ELF1: variants seen among roughly 807,000 people sequenced by gnomAD.
The protein encoded by ELF1 is ETS-related transcription factor Elf-1.
In ELF1, 24 loss-of-function variants were observed where a neutral mutation model predicts 59.9. That is an observed-to-expected ratio of 0.40 (90% CI 0.29 to 0.56). The LOEUF is 0.56. ELF1 is among the 20% of genes least tolerant of loss of function. The pLI is 0.44. For synonymous variants in ELF1, 248 were observed against 266.2 expected (o/e 0.93, Z 0.67); for missense variants, 627 against 742.2 (o/e 0.84, Z 1.80).
intron 7 of ELF1, 46 bp from the exon 8 acceptor site, chr13:40,941,416 A>T: frequency 6.8e-7 from 1 of 1,477,956 alleles, no homozygotes; most frequent in South Asian, 1.4e-5. Context: ...CATCAATTAA[A>T]ATATTCAACA....
At chr13:41,012,312 CAAAAAAAA>C (rs56791748) in intron 1 of ELF1, among the ~76,000 whole-genome samples, 8 of 65,046 alleles carry the variant, frequency 1.2e-4, no homozygotes, top group African/African-American at 4.8e-4. Context: ...GACTCTGTCT[CAAAAAAAA>C]AAAAAAAAAA....
intron 3 of ELF1, among the ~76,000 whole-genome samples, chr13:40,956,469 A>G (rs9532688): frequency 0.55 from 83,118 of 151,068 alleles, 26,133 homozygotes; most frequent in Non-Finnish European, 0.69. Context: ...AGGAAAACCA[A>G]AGACCTTTGT....
At chr13:41,001,545 A>G (rs770481141) in intron 1 of ELF1, among the ~76,000 whole-genome samples, 2 of 152,174 alleles carry the variant, frequency 1.3e-5, no homozygotes, top group African/African-American at 2.4e-5. Context: ...AGCTATAATA[A>G]CCAAAATAGC....
chr13:41,019,122 G>A (rs1257654620), intron 1 of ELF1, 106 bp downstream of exon 1: 5 of 882,006 alleles, frequency 5.7e-6, no homozygotes, highest in South Asian at 5.2e-5. Flanking sequence ...TTTATCAGAG[G>A]GTTAAAGAAC....
intron 8 of ELF1, among the ~76,000 whole-genome samples, chr13:40,939,948 T>C (rs1870027271): frequency 6.6e-6 from 1 of 152,202 alleles, no homozygotes; most frequent in African/African-American, 2.4e-5. Context: ...CAAGTGAAGA[T>C]TTAAGAGAAT....
chr13:40,936,328 A>C (rs1593346084), intron 8 of ELF1, among the ~76,000 whole-genome samples: 2 of 152,126 alleles, frequency 1.3e-5, no homozygotes, highest in East Asian at 3.9e-4. Flanking sequence ...ACAACTCTCT[A>C]ATATATGCCT....
chr13:40,939,565 C>T (rs1870004052), intron 8 of ELF1, among the ~76,000 whole-genome samples: 1 of 152,134 alleles, frequency 6.6e-6, no homozygotes, highest in Admixed American at 6.5e-5. Flanking sequence ...CAGTCATCAC[C>T]TGTAACCCAC....
intron 3 of ELF1, among the ~76,000 whole-genome samples, chr13:40,954,414 T>C (rs958928385): frequency 1.2e-5 from 1 of 80,468 alleles, no homozygotes. Flanking sequence ...GGTTTGAAAG[T>C]GTGTAGCTCT....
intron 1 of ELF1, among the ~76,000 whole-genome samples, chr13:41,060,585 A>C (rs915248692): frequency 3.3e-5 from 5 of 152,156 alleles, no homozygotes; most frequent in Admixed American, 1.3e-4. Context: ...AGGCTCCAAA[A>C]GCCGCAGCCC....
In ELF1 at chr13:40,964,852, T is replaced by C. The variant is rs567179379; in HGVS notation, c.73-5836A>G. On this transcript the variant is annotated intron_variant, in intron 2 of 8. Transcript: ENST00000239882. ...ACCCAGCCCAAATTTCCCCTTTTTATAAGGACACCAGGTAGTGGAGTAAGG... is the reference window on the plus strand; with the variant it reads ...ACCCAGCCCAAATTTCCCCTTTTTACAAGGACACCAGGTAGTGGAGTAAGG... Among the ~76,000 whole-genome samples the C allele has an allele frequency of 6.6e-4, 100 of 152,196 alleles. 2 individuals are homozygous for C. The highest frequency in any genetic ancestry group is 2.9e-3 in the Admixed American group (44 of 15,294).
At chr13:40,959,156 G>T in intron 2 of ELF1, 140 bp from the exon 3 acceptor site, 1 of 1,245,222 alleles carries the variant, frequency 8.0e-7, no homozygotes, top group Non-Finnish European at 1.1e-6. Flanking sequence ...AATCTTTCTA[G>T]GCATTAGGTA....
intron 3 of ELF1, among the ~76,000 whole-genome samples, chr13:40,953,952 G>A (rs957212421): frequency 3.3e-5 from 5 of 152,148 alleles, no homozygotes; most frequent in African/African-American, 4.8e-5. Flanking sequence ...CACTCCTTCC[G>A]GAAAGACATT....
At chr13:41,042,300 TTTTC>T (rs1329227458) in intron 1 of ELF1, among the ~76,000 whole-genome samples, 1 of 150,812 alleles carries the variant, frequency 6.6e-6, no homozygotes, top group Non-Finnish European at 1.5e-5. Flanking sequence ...AGCTTTTTCT[TTTTC>T]TTTTTTTTTT....
chr13:41,010,141 C>T (rs1413584989), intron 1 of ELF1, among the ~76,000 whole-genome samples: 5 of 149,512 alleles, frequency 3.3e-5, no homozygotes, highest in Non-Finnish European at 7.4e-5. Flanking sequence ...CATGGTGGCT[C>T]ATGCCTGTAA....
At chr13:41,060,328 C>T (rs979849005) in intron 1 of ELF1, among the ~76,000 whole-genome samples, 5 of 152,202 alleles carry the variant, frequency 3.3e-5, no homozygotes, top group African/African-American at 1.2e-4. Context: ...GCCCGTCCTG[C>T]ATAGGAAGAG....
intron 1 of ELF1, among the ~76,000 whole-genome samples, chr13:41,005,519 C>T (rs958288828): frequency 2.0e-5 from 3 of 149,552 alleles, no homozygotes; most frequent in African/African-American, 7.4e-5. Context: ...ATCAACAAAG[C>T]AGGACTGATA....
At chr13:40,968,154 T>C (rs1415106756) in intron 2 of ELF1, among the ~76,000 whole-genome samples, 4 of 152,228 alleles carry the variant, frequency 2.6e-5, no homozygotes, top group Non-Finnish European at 5.9e-5. Flanking sequence ...ATATTAATGC[T>C]ACACTTCAAT....
At chr13:40,991,406 G>A (rs1209898573) in intron 1 of ELF1, among the ~76,000 whole-genome samples, 1 of 151,958 alleles carries the variant, frequency 6.6e-6, no homozygotes, top group Non-Finnish European at 1.5e-5. Flanking sequence ...AGTTTTCATG[G>A]ACACATTACT....
At chr13:40,950,273 TA>T (rs1566168509) in intron 4 of ELF1, among the ~76,000 whole-genome samples, 1 of 152,122 alleles carries the variant, frequency 6.6e-6, no homozygotes, top group East Asian at 1.9e-4. Context: ...GACCTGACCA[TA>T]AAATTAGGGG....
Sources: allele counts gnomAD v4.1 joint callset (sites outside exome capture counted in the v4.1 genomes callset), GRCh38; gene constraint gnomAD v4.1.1; transcripts MANE v1.5; gene names NCBI Gene and HGNC (gene_info 2026-07-23, HGNC 2026-07-21).